PCDH9: variants seen among roughly 807,000 people sequenced by gnomAD.
The protein encoded by PCDH9 is protocadherin 9.
A neutral mutation model predicts 70.6 loss-of-function variants in PCDH9; 24 were observed. The observed-to-expected ratio is 0.34, with a 90% CI of 0.25 to 0.48. The LOEUF is 0.48. Among genes scored for constraint, PCDH9 ranks in the 20% least tolerant of loss-of-function variants. The pLI, the probability that PCDH9 is intolerant of heterozygous loss-of-function variation, is 0.99. For missense variants in PCDH9, 1,281 were observed against 1,503.6 expected (o/e 0.85, Z 2.45); for synonymous variants, 562 against 558.5 (o/e 1.01, Z -0.09).
chr13:67,194,216 A>C (rs540330164), intron 2 of PCDH9, among the ~76,000 whole-genome samples: 4 of 152,278 alleles, frequency 2.6e-5, no homozygotes, highest in Non-Finnish European at 4.4e-5. Flanking sequence ...TACTGCACTC[A>C]TATAAGCACT....
chr13:66,483,649 T>A (rs937365789), intron 4 of PCDH9, among the ~76,000 whole-genome samples: 1 of 152,206 alleles, frequency 6.6e-6, no homozygotes, highest in African/African-American at 2.4e-5. Flanking sequence ...GTTATTGATA[T>A]GGGAGTGCTG....
chr13:67,180,628 A>T (rs115574761), intron 2 of PCDH9, among the ~76,000 whole-genome samples: 1 of 152,100 alleles, frequency 6.6e-6, no homozygotes. Flanking sequence ...TAACTATTCA[A>T]AATTCCCTGG....
chr13:66,634,120 C>T (rs983151460), intron 3 of PCDH9, among the ~76,000 whole-genome samples: 7 of 152,088 alleles, frequency 4.6e-5, no homozygotes, highest in African/African-American at 9.7e-5. Context: ...CAATTAGACA[C>T]TGTAAATTGG....
At chr13:66,322,792 T>C (rs1251785414) in intron 4 of PCDH9, among the ~76,000 whole-genome samples, 1 of 152,016 alleles carries the variant, frequency 6.6e-6, no homozygotes, top group African/African-American at 2.4e-5. Context: ...TTCATTTATG[T>C]GGGCACGTAT....
chr13:67,220,058 C>T (rs2089690167), intron 2 of PCDH9: 1 of 151,754 alleles, frequency 6.6e-6, no homozygotes, highest in South Asian at 2.1e-4. Flanking sequence ...GCCCTGAAAC[C>T]CTGTAAACAC....
intron 2 of PCDH9, among the ~76,000 whole-genome samples, chr13:67,099,950 C>A (rs1239586549): frequency 6.6e-6 from 1 of 152,156 alleles, no homozygotes; most frequent in African/African-American, 2.4e-5. Flanking sequence ...CACCGTATAA[C>A]ATCTATTATG....
chr13:66,757,853 G>C (rs1170020012), intron 3 of PCDH9, among the ~76,000 whole-genome samples: 1 of 151,954 alleles, frequency 6.6e-6, no homozygotes, highest in Admixed American at 6.6e-5. Flanking sequence ...ATGTATAATA[G>C]AGCAAGATCT....
intron 3 of PCDH9, among the ~76,000 whole-genome samples, chr13:66,796,099 G>A (rs758704121): frequency 3.3e-5 from 5 of 152,106 alleles, no homozygotes; most frequent in African/African-American, 7.2e-5. Flanking sequence ...AAATTAGCAC[G>A]GTGTTTGGAA....
At chr13:66,380,834 C>T (rs1470434984) in intron 4 of PCDH9, among the ~76,000 whole-genome samples, 4 of 152,168 alleles carry the variant, frequency 2.6e-5, no homozygotes, top group African/African-American at 7.2e-5. Flanking sequence ...TGAGCCACCG[C>T]GCCAGCCAGA....
At chr13:66,675,653 C>G (rs761142883) in intron 3 of PCDH9, among the ~76,000 whole-genome samples, 2 of 152,112 alleles carry the variant, frequency 1.3e-5, no homozygotes, top group Non-Finnish European at 2.9e-5. Context: ...CTAAAGCAAT[C>G]ATAATGATGT....
At chr13:66,968,489 C>T (rs1322586494) in intron 2 of PCDH9, among the ~76,000 whole-genome samples, 1 of 151,992 alleles carries the variant, frequency 6.6e-6, no homozygotes, top group African/African-American at 2.4e-5. Flanking sequence ...GTTGTCAAAT[C>T]ACGACTCCTT....
At chr13:66,698,072 G>A (rs373397993) in intron 3 of PCDH9, among the ~76,000 whole-genome samples, 1 of 152,170 alleles carries the variant, frequency 6.6e-6, no homozygotes, top group African/African-American at 2.4e-5. Context: ...ACCTAGGGTT[G>A]TCAAATTCAT....
intron 2 of PCDH9, among the ~76,000 whole-genome samples, chr13:67,099,126 A>T (rs1184368610): frequency 6.6e-6 from 1 of 152,204 alleles, no homozygotes; most frequent in African/African-American, 2.4e-5. Context: ...GAGTACAGTC[A>T]ATTTACATGA....
chr13:66,566,023 G>C (rs756011715), intron 4 of PCDH9, among the ~76,000 whole-genome samples: 10 of 152,180 alleles, frequency 6.6e-5, no homozygotes, highest in Non-Finnish European at 1.2e-4. Flanking sequence ...AGTGAGGATA[G>C]CAGATAAGGG....
In PCDH9 at chr13:66,735,029, G is replaced by A. The variant is rs530485334; in HGVS notation, c.3139-103618C>T. Among the ~76,000 whole-genome samples the A allele has an allele frequency of 7.9e-5, 12 of 152,274 alleles. No homozygotes were observed. In the East Asian group the frequency reaches 1.3e-3, roughly 17 times the overall value. On this transcript the variant is annotated intron_variant, in intron 3 of 4. Coordinates refer to ENST00000377865, the MANE Select transcript of PCDH9 (RefSeq NM_203487.3). ...TGATTAACATGATTTGTTAAAATAC[G>A]AGGAATAGCTTGTTCAGTCACATGA... is the stretch of plus-strand genomic sequence containing the variant.
At chr13:67,173,624 C>T (rs1056624289) in intron 2 of PCDH9, among the ~76,000 whole-genome samples, 15 of 152,012 alleles carry the variant, frequency 9.9e-5, no homozygotes, top group South Asian at 4.2e-4. Flanking sequence ...CACTTCAGTT[C>T]GACAGAGAAA....
At chr13:66,317,204 A>G (rs748335290) in intron 4 of PCDH9, among the ~76,000 whole-genome samples, 1 of 152,108 alleles carries the variant, frequency 6.6e-6, no homozygotes, top group Non-Finnish European at 1.5e-5. Context: ...GCAGATAATT[A>G]TTAGATATAT....
At chr13:66,599,711 C>T (rs1339833593) in intron 4 of PCDH9, among the ~76,000 whole-genome samples, 1 of 151,718 alleles carries the variant, frequency 6.6e-6, no homozygotes, top group African/African-American at 2.4e-5. Flanking sequence ...CAGCCTCAGC[C>T]TCCCGAGTAG....
chr13:66,672,089 T>C (rs952508360), intron 3 of PCDH9, among the ~76,000 whole-genome samples: 3 of 152,154 alleles, frequency 2.0e-5, no homozygotes, highest in Non-Finnish European at 2.9e-5. Context: ...TTGTGCAGTC[T>C]TGGGACTTGG....
Sources: allele counts gnomAD v4.1 joint callset (sites outside exome capture counted in the v4.1 genomes callset), GRCh38; gene constraint gnomAD v4.1.1; transcripts MANE v1.5; gene names NCBI Gene and HGNC (gene_info 2026-07-23, HGNC 2026-07-21).